SIK3: variants seen among roughly 807,000 people sequenced by gnomAD.
SIK3 encodes serine/threonine-protein kinase SIK3.
SIK3 carries 28 observed loss-of-function variants against 144.2 expected under a neutral mutation model. That is an observed-to-expected ratio of 0.19 (90% CI 0.14 to 0.27). The LOEUF (loss-of-function observed/expected upper bound fraction) is 0.27, where lower values mean the gene tolerates loss of function less well. Among genes scored for constraint, SIK3 ranks in the 10% least tolerant of loss-of-function variants. SIK3 has a pLI of 1.00. For synonymous variants in SIK3, 686 were observed against 676.3 expected (o/e 1.01, Z -0.22); for missense variants, 1,319 against 1,776.0 (o/e 0.74, Z 4.62).
chr11:116,923,829 T>C (rs1037325397), intron 4 of SIK3, among the ~76,000 whole-genome samples: 2 of 152,228 alleles, frequency 1.3e-5, no homozygotes, highest in South Asian at 2.1e-4. Context: ...GACACTCTCA[T>C]TGTGACTCCT....
chr11:117,040,334 G>T (rs997205719), intron 1 of SIK3, among the ~76,000 whole-genome samples: 1 of 152,114 alleles, frequency 6.6e-6, no homozygotes, highest in South Asian at 2.1e-4. Flanking sequence ...ATTTAGAACT[G>T]TGCTCGTCAT....
chr11:116,895,342 G>A (rs965591456), intron 6 of SIK3, among the ~76,000 whole-genome samples: 9 of 152,290 alleles, frequency 5.9e-5, no homozygotes, highest in Middle Eastern at 3.4e-3. Flanking sequence ...TCTCCATGAA[G>A]GGGTTTTCAT....
At chr11:116,956,559 AT>A (rs1949146233) in intron 2 of SIK3, among the ~76,000 whole-genome samples, 2 of 152,196 alleles carry the variant, frequency 1.3e-5, no homozygotes, top group Non-Finnish European at 1.5e-5. Context: ...TATTAAAAAA[AT>A]GTTATATTCA....
Position 116,873,535 on chromosome 11 carries a change from G to C in SIK3, c.1683C>G (p.Ala561=), listed in dbSNP as rs749645429. ...SDGGANIQLH[A]QQLLKRPRGP... The stretch of plus-strand genomic sequence containing the variant: ...CCCGTGGGCGCTTCAGCAGCTGCTG[G>C]GCATGCAGTTGGATGTTGGCTCCTC... Residue 561 remains alanine (A), a synonymous_variant, in exon 13 of 25, where the codon GCC becomes GCG. Transcript: ENST00000445177. 1.2e-6 allele frequency: 2 copies of C among 1,613,102 alleles called. No homozygotes were observed. Among genetic ancestry groups the C allele is most frequent in the Admixed American group, 3.3e-5 (2 of 59,752 alleles).
intron 1 of SIK3, among the ~76,000 whole-genome samples, chr11:116,970,790 C>A (rs1379569030): frequency 6.6e-6 from 1 of 152,052 alleles, no homozygotes; most frequent in Non-Finnish European, 1.5e-5. Context: ...GTCAGGACTA[C>A]AGGCATGTAC....
intron 1 of SIK3, among the ~76,000 whole-genome samples, chr11:116,982,381 T>C (rs1454732676): frequency 6.6e-6 from 1 of 151,484 alleles, no homozygotes; most frequent in Admixed American, 6.6e-5. Flanking sequence ...CTCCACCTCC[T>C]GGGTTCAAGC....
chr11:117,006,099 A>G (rs918616105), intron 1 of SIK3, among the ~76,000 whole-genome samples: 4 of 152,236 alleles, frequency 2.6e-5, no homozygotes, highest in Non-Finnish European at 5.9e-5. Flanking sequence ...ACTAATAATT[A>G]AAAAGAAAAA....
chr11:117,080,938 T>A (rs760010099), intron 1 of SIK3, among the ~76,000 whole-genome samples: 3 of 151,860 alleles, frequency 2.0e-5, no homozygotes. Context: ...ACAGAGAAAC[T>A]CTGTCTCAAA....
At position 116,867,673 on chromosome 11, in the gene SIK3, T is replaced by C. The variant is rs978620541; in HGVS notation, c.1952+273A>G. ...CAGGTCTCAAGTTCAATTTTATCTA[T>C]GAATCAACATCTAGAATCATGGGAA... On this transcript the variant is annotated intron_variant, in intron 15 of 24. Transcript: ENST00000445177. This position sits in a 1 kb window ranked among gnomAD's most constrained non-coding sequence, Gnocchi z 4.1. 3 of 321,714 alleles carry C rather than the reference T, an allele frequency of 9.3e-6. No homozygotes were observed. Among genetic ancestry groups the C allele is most frequent in the Non-Finnish European group, 1.7e-5 (3 of 177,798 alleles). 19.9% of individuals were successfully genotyped at this position (321,714 alleles called of 1,614,324 possible). A position where few individuals can be genotyped will look rare whatever the true frequency, so the allele number is the denominator to read the frequency against.
At chr11:116,980,928 T>C (rs1018671361) in intron 1 of SIK3, among the ~76,000 whole-genome samples, 3 of 152,216 alleles carry the variant, frequency 2.0e-5, no homozygotes, top group Non-Finnish European at 1.5e-5. Flanking sequence ...GCATGTTTTT[T>C]ATTTCTAGAA....
intron 1 of SIK3, among the ~76,000 whole-genome samples, chr11:117,073,438 C>T (rs531419386): frequency 8.7e-4 from 132 of 152,266 alleles, no homozygotes; most frequent in Non-Finnish European, 1.5e-3. Flanking sequence ...AACAAGAGCC[C>T]TGGAGTCATA....
intron 21 of SIK3, among the ~76,000 whole-genome samples, chr11:116,850,421 C>T (rs1291356757): frequency 6.6e-6 from 1 of 152,234 alleles, no homozygotes; most frequent in Non-Finnish European, 1.5e-5. Flanking sequence ...ACTGATTCTT[C>T]TGCCTTCACT....
At chr11:117,010,359 A>G (rs538026022) in intron 1 of SIK3, among the ~76,000 whole-genome samples, 1 of 152,296 alleles carries the variant, frequency 6.6e-6, no homozygotes, top group Admixed American at 6.5e-5. Context: ...TGACTTCCCC[A>G]GTCCTGGAAT....
intron 4 of SIK3, among the ~76,000 whole-genome samples, chr11:116,903,783 G>C (rs115971514): frequency 0.074 from 11,257 of 152,056 alleles, 501 homozygotes; most frequent in Middle Eastern, 0.11. Flanking sequence ...TGGGGGTCTT[G>C]CTATGTTGTC....
Position 116,874,380 on chromosome 11 carries a change from A to G in SIK3, c.1428-324T>C, listed in dbSNP as rs189861631. On this transcript the variant is annotated intron_variant, in intron 11 of 24. Transcript: ENST00000445177. ...GAGGTGAACACCAAGTTTCTGGAGA[A>G]CATGGGCCATCCACTAAGATAATGG... Among the ~76,000 whole-genome samples, 309 of 152,356 alleles carry G rather than the reference A, an allele frequency of 2.0e-3. 3 individuals are homozygous for G. Among genetic ancestry groups the G allele is most frequent in the African/African-American group, 6.9e-3 (287 of 41,576 alleles).
intron 4 of SIK3, among the ~76,000 whole-genome samples, chr11:116,919,729 T>G (rs1946859035): frequency 6.6e-6 from 1 of 152,178 alleles, no homozygotes; most frequent in Admixed American, 6.5e-5. Context: ...CATTAACCAT[T>G]TTCAAAACAC....
intron 6 of SIK3, among the ~76,000 whole-genome samples, chr11:116,889,265 TAAAAGA>T (rs377059767): frequency 6.6e-6 from 1 of 152,180 alleles, no homozygotes; most frequent in Non-Finnish European, 1.5e-5. Flanking sequence ...TTAGATTAAG[TAAAAGA>T]AAATAATTTA....
chr11:116,982,630 A>G (rs1336733411), intron 1 of SIK3, among the ~76,000 whole-genome samples: 8 of 151,912 alleles, frequency 5.3e-5, no homozygotes. Context: ...TTATATGTAT[A>G]TTATATGTGC....
At chr11:116,913,930 A>C (rs1034131109) in intron 4 of SIK3, among the ~76,000 whole-genome samples, 2 of 152,070 alleles carry the variant, frequency 1.3e-5, no homozygotes, top group Admixed American at 1.3e-4. Flanking sequence ...AAACAAAAAA[A>C]CAAAACAAAA....
Sources: gnomAD v4.1 joint callset for allele counts (sites outside exome capture counted in the v4.1 genomes callset) on GRCh38, gnomAD v4.1.1 for gene constraint, Gnocchi (gnomAD v3.1) non-coding constraint, MANE v1.5 for transcripts, NCBI Gene and HGNC (gene_info 2026-07-23, HGNC 2026-07-21) for gene names.